DNASE1: variants seen among roughly 807,000 people sequenced by gnomAD.
DNASE1 encodes deoxyribonuclease 1, also known as deoxyribonuclease-1.
Under a neutral mutation model 33.9 loss-of-function variants are expected in DNASE1, and 40 were observed. The observed-to-expected ratio is 1.18, with a 90% CI of 0.92 to 1.54. DNASE1 has a LOEUF of 1.54. DNASE1 is among the 40% of genes most tolerant of loss of function. The pLI, the probability that DNASE1 is intolerant of heterozygous loss-of-function variation, is 0.00. For synonymous variants in DNASE1, 216 were observed against 160.0 expected (o/e 1.35, Z -2.64); for missense variants, 518 against 372.6 (o/e 1.39, Z -3.21).
chr16:3,651,033 C>G (rs1186442839), upstream of DNASE1: 1 of 152,232 alleles, frequency 6.6e-6, no homozygotes, highest in African/African-American at 2.4e-5. Flanking sequence ...GGGGGTGCCT[C>G]CGTGCAGGTT....
chr16:3,623,723 C>T (rs1404705466), intron 1 of DNASE1, among the ~76,000 whole-genome samples: 5 of 151,700 alleles, frequency 3.3e-5, no homozygotes, highest in African/African-American at 1.2e-4. Context: ...CACTTGAGGC[C>T]AGGAATTAGA....
intron 1 of DNASE1, among the ~76,000 whole-genome samples, chr16:3,634,573 G>T (rs150037988): frequency 6.6e-6 from 1 of 152,004 alleles, no homozygotes; most frequent in Non-Finnish European, 1.5e-5. Context: ...ATAGTGGTGC[G>T]ATCATAGCAC....
intron 1 of DNASE1, among the ~76,000 whole-genome samples, chr16:3,647,767 G>T (rs559407942): frequency 6.6e-6 from 1 of 152,312 alleles, no homozygotes; most frequent in Non-Finnish European, 1.5e-5. Context: ...ACTTTGGGAA[G>T]CCAAGGCAGG....
exon 10 of DNASE1, chr16:3,663,644 C>G (rs1201971080): frequency 6.3e-7 from 1 of 1,574,900 alleles, no homozygotes; most frequent in Admixed American, 1.8e-5. Flanking sequence ...GGCAGGAGGG[C>G]TGGGGGAGCC....
chr16:3,636,058 C>T (rs556555889), intron 1 of DNASE1, among the ~76,000 whole-genome samples: 15 of 152,274 alleles, frequency 9.9e-5, no homozygotes, highest in Admixed American at 1.3e-4. Context: ...CTTCTGGATT[C>T]CCATTATGCA....
At chr16:3,622,000 C>T (rs1273072129) in intron 1 of DNASE1, among the ~76,000 whole-genome samples, 1 of 152,120 alleles carries the variant, frequency 6.6e-6, no homozygotes, top group Non-Finnish European at 1.5e-5. Flanking sequence ...GCAGGTGGAT[C>T]ACTTGAGGTC....
chr16:3,631,065 C>G (rs1173730229), intron 1 of DNASE1, among the ~76,000 whole-genome samples: 7 of 152,114 alleles, frequency 4.6e-5, no homozygotes, highest in Admixed American at 6.6e-5. Flanking sequence ...TGCTGTCACC[C>G]AGGCTGGAGT....
downstream of DNASE1, chr16:3,661,779 T>G: frequency 1.9e-6 from 1 of 519,582 alleles, no homozygotes; most frequent in Non-Finnish European, 3.1e-6. Flanking sequence ...GTGGCTAACC[T>G]CCCAGGTGAC....
chr16:3,659,138 G>T (rs900897270), downstream of DNASE1: 1 of 359,872 alleles, frequency 2.8e-6, no homozygotes, highest in Non-Finnish European at 5.0e-6. Flanking sequence ...AGTACGTGAA[G>T]ACATGCCTTG....
At chr16:3,627,208 A>T (rs891723387) in intron 1 of DNASE1, among the ~76,000 whole-genome samples, 1 of 151,120 alleles carries the variant, frequency 6.6e-6, no homozygotes, top group Admixed American at 6.6e-5. Flanking sequence ...TATGAAGTCT[A>T]CTTTGCTTGT....
exon 10 of DNASE1, chr16:3,663,603 C>T (rs763133650): frequency 6.2e-7 from 1 of 1,610,246 alleles, no homozygotes; most frequent in East Asian, 2.2e-5. Context: ...CCCCGGGGGC[C>T]TCCAGCCACC....
downstream of DNASE1, chr16:3,658,602 G>A: frequency 3.3e-6 from 2 of 604,482 alleles, no homozygotes; most frequent in South Asian, 2.0e-5. Context: ...GAACCCGGGA[G>A]GCAGAGGTTG....
chr16:3,656,427 GCC>G, intron 4 of DNASE1, among the ~76,000 whole-genome samples: 1 of 114,164 alleles, frequency 8.8e-6, no homozygotes. Flanking sequence ...TGGCTCCCCC[GCC>G]CTCCTGTCGC....
rs538966290 is a variant in DNASE1, at chr16:3,635,090, G to C, written c.-1358-5625G>C. Among the ~76,000 whole-genome samples, 214 of 152,208 alleles carry C rather than the reference G, an allele frequency of 1.4e-3. No individual in the cohort carries two copies. In the Middle Eastern group the frequency reaches 0.048, roughly 34 times the overall value. ...CTGCCTCAGCCTCTTGAGTAACTGGGTCTAGAGGCATGCACCACCATGCCT... is the reference window on the plus strand; with the variant it reads ...CTGCCTCAGCCTCTTGAGTAACTGGCTCTAGAGGCATGCACCACCATGCCT... On this transcript the variant is annotated intron_variant and NMD_transcript_variant, in intron 1 of 11. Coordinates refer to the DNASE1 transcript ENST00000570769.
At chr16:3,645,639 A>C (rs1158698901) in intron 1 of DNASE1, among the ~76,000 whole-genome samples, 1 of 152,182 alleles carries the variant, frequency 6.6e-6, no homozygotes, top group East Asian at 1.9e-4. Flanking sequence ...CACCTCGTGG[A>C]AGGCAGAAGG....
chr16:3,628,103 T>C (rs1307989258), intron 1 of DNASE1, among the ~76,000 whole-genome samples: 2 of 152,196 alleles, frequency 1.3e-5, no homozygotes, highest in Non-Finnish European at 2.9e-5. Context: ...ACTTATATCT[T>C]CATTAATTTC....
chr16:3,632,491 GCT>G (rs2041729573), intron 1 of DNASE1, among the ~76,000 whole-genome samples: 1 of 151,532 alleles, frequency 6.6e-6, no homozygotes, highest in South Asian at 2.1e-4. Flanking sequence ...AATTTTCCTT[GCT>G]CTGAAGTCTG....
intron 1 of DNASE1, among the ~76,000 whole-genome samples, chr16:3,616,133 A>G (rs754143282): frequency 6.6e-6 from 1 of 152,246 alleles, no homozygotes; most frequent in Non-Finnish European, 1.5e-5. Context: ...GAGATGAGTT[A>G]CACTGCATTT....
chr16:3,618,872 T>C (rs1362266722), intron 1 of DNASE1, among the ~76,000 whole-genome samples: 1 of 152,224 alleles, frequency 6.6e-6, no homozygotes, highest in Admixed American at 6.5e-5. Flanking sequence ...AATTTTTTTT[T>C]AGTGACAAGG....
Sources: gnomAD v4.1 joint callset for allele counts (sites outside exome capture counted in the v4.1 genomes callset) on GRCh38, gnomAD v4.1.1 for gene constraint, MANE v1.5 for transcripts, NCBI Gene and HGNC (gene_info 2026-07-23, HGNC 2026-07-21) for gene names.